The following PPP3CA variants were observed in gnomAD, a reference collection of about 807,000 sequenced individuals.
PPP3CA encodes protein phosphatase 3 catalytic subunit alpha.
In PPP3CA, 14 loss-of-function variants were observed where a neutral mutation model predicts 66.5. The ratio of observed to expected loss-of-function variants is 0.21; its 90% CI spans 0.14 to 0.33. PPP3CA has a LOEUF of 0.33. PPP3CA is among the 10% of genes least tolerant of loss of function. The probability of loss-of-function intolerance (pLI) is 1.00; values close to 1 mark genes in which losing one functional copy is unlikely to be tolerated. For missense variants in PPP3CA, 317 were observed against 639.5 expected (o/e 0.50, Z 5.44); for synonymous variants, 232 against 226.2 (o/e 1.03, Z -0.23).
chr4:101,310,630 G>A (rs1284542228), intron 1 of PPP3CA, among the ~76,000 whole-genome samples: 2 of 152,046 alleles, frequency 1.3e-5, no homozygotes, highest in African/African-American at 2.4e-5. Context: ...CCATGATCAC[G>A]CCACTGCACT....
intron 6 of PPP3CA, among the ~76,000 whole-genome samples, chr4:101,086,759 T>C (rs573850440): frequency 2.4e-4 from 36 of 152,338 alleles, no homozygotes; most frequent in African/African-American, 8.7e-4. Context: ...TAGTGTAAAT[T>C]ATATTTCTAC....
intron 2 of PPP3CA, among the ~76,000 whole-genome samples, chr4:101,169,763 T>A (rs990737493): frequency 1.3e-5 from 2 of 151,896 alleles, no homozygotes; most frequent in Non-Finnish European, 2.9e-5. Context: ...CTGACTCTTA[T>A]GTGATGACTT....
chr4:101,084,477 A>C (rs1217054825), intron 6 of PPP3CA, among the ~76,000 whole-genome samples: 1 of 151,900 alleles, frequency 6.6e-6, no homozygotes, highest in Non-Finnish European at 1.5e-5. Context: ...CCTGTCTCTT[A>C]CTAAAAATAC....
intron 2 of PPP3CA, among the ~76,000 whole-genome samples, chr4:101,110,098 G>T (rs539372125): frequency 6.6e-6 from 1 of 152,050 alleles, no homozygotes; most frequent in Non-Finnish European, 1.5e-5. Context: ...ATATATATGT[G>T]TGTATGTGTA....
At chr4:101,062,564 T>C (rs1297104574) in intron 9 of PPP3CA, among the ~76,000 whole-genome samples, 1 of 151,914 alleles carries the variant, frequency 6.6e-6, no homozygotes, top group Non-Finnish European at 1.5e-5. Flanking sequence ...TGAAAAACAA[T>C]TGGTGCAGAC....
intron 2 of PPP3CA, among the ~76,000 whole-genome samples, chr4:101,114,197 A>C (rs1721769535): frequency 6.6e-6 from 1 of 152,108 alleles, no homozygotes; most frequent in South Asian, 2.1e-4. Context: ...TGAATATTCC[A>C]AAAATTTTAT....
chr4:101,173,410 T>C (rs1467689315), intron 2 of PPP3CA, among the ~76,000 whole-genome samples: 2 of 152,188 alleles, frequency 1.3e-5, no homozygotes, highest in African/African-American at 2.4e-5. Flanking sequence ...GGGCTTTTTT[T>C]TTCAAACAGC....
intron 2 of PPP3CA, among the ~76,000 whole-genome samples, chr4:101,149,686 A>G (rs895005745): frequency 2.0e-5 from 3 of 152,152 alleles, no homozygotes; most frequent in Non-Finnish European, 4.4e-5. Context: ...TTCCTCAAAC[A>G]TTTATCAAAC....
At chr4:101,216,278 C>T (rs1228389904) in intron 1 of PPP3CA, among the ~76,000 whole-genome samples, 1 of 152,100 alleles carries the variant, frequency 6.6e-6, no homozygotes, top group Non-Finnish European at 1.5e-5. Flanking sequence ...ACTTAAATTA[C>T]ATAATTTCCT....
intron 2 of PPP3CA, among the ~76,000 whole-genome samples, chr4:101,194,029 C>T (rs1395475): frequency 0.25 from 37,260 of 151,978 alleles, 7,186 homozygotes; most frequent in African/African-American, 0.52. Flanking sequence ...ATATCTACTA[C>T]GCTTATTTCT....
intron 1 of PPP3CA, among the ~76,000 whole-genome samples, chr4:101,341,118 GTTAA>G (rs1445269098): frequency 6.6e-6 from 1 of 151,468 alleles, no homozygotes; most frequent in African/African-American, 2.4e-5. Context: ...ATTTTACATA[GTTAA>G]TTATTTAGTA....
At chr4:101,269,553 CGTGTGTGTGTGTGTGTGTGTGTGT>C (rs55721209) in intron 1 of PPP3CA, among the ~76,000 whole-genome samples, 6 of 135,958 alleles carry the variant, frequency 4.4e-5, no homozygotes, top group South Asian at 4.9e-4. Flanking sequence ...AAACAAGGAA[CGTGTGTGTGTGTGTGTGTGTGTGT>C]GTGTGTGTGT....
intron 1 of PPP3CA, among the ~76,000 whole-genome samples, chr4:101,283,811 A>T (rs149644816): frequency 6.6e-6 from 1 of 151,680 alleles, no homozygotes; most frequent in African/African-American, 2.4e-5. Context: ...TCATGGTATG[A>T]CTCTGAAGAA....
At chr4:101,159,073 C>G (rs1284966308) in intron 2 of PPP3CA, among the ~76,000 whole-genome samples, 1 of 152,136 alleles carries the variant, frequency 6.6e-6, no homozygotes, top group Non-Finnish European at 1.5e-5. Flanking sequence ...ATTATTACCT[C>G]CATTATGCAG....
intron 1 of PPP3CA, among the ~76,000 whole-genome samples, chr4:101,296,802 A>C (rs1299468568): frequency 6.6e-6 from 1 of 152,180 alleles, no homozygotes; most frequent in Non-Finnish European, 1.5e-5. Flanking sequence ...AAAGTCATAC[A>C]TCTAAAAGTT....
intron 1 of PPP3CA, among the ~76,000 whole-genome samples, chr4:101,196,993 T>C (rs894518378): frequency 7.2e-4 from 110 of 152,146 alleles, no homozygotes; most frequent in African/African-American, 2.6e-3. Context: ...AAGGTTAAAT[T>C]TGCAATAAAT....
intron 2 of PPP3CA, among the ~76,000 whole-genome samples, chr4:101,154,290 A>G (rs1723237996): frequency 6.6e-6 from 1 of 152,244 alleles, no homozygotes; most frequent in Admixed American, 6.5e-5. Flanking sequence ...GTATTCTACC[A>G]GTGAATAAAA....
chr4:101,039,608 C>T (rs538504523), intron 11 of PPP3CA, among the ~76,000 whole-genome samples: 1 of 144,216 alleles, frequency 6.9e-6, no homozygotes, highest in Admixed American at 7.0e-5. Flanking sequence ...CTTCTCATGG[C>T]TACCTCTTTT....
At chr4:101,145,123 C>T (rs1156245540) in intron 2 of PPP3CA, among the ~76,000 whole-genome samples, 1 of 151,898 alleles carries the variant, frequency 6.6e-6, no homozygotes, top group African/African-American at 2.4e-5. Flanking sequence ...TTTTGGAAAA[C>T]ACTGCTCTAT....
Sources: allele counts gnomAD v4.1 joint callset (sites outside exome capture counted in the v4.1 genomes callset), GRCh38; gene constraint gnomAD v4.1.1; transcripts MANE v1.5; gene names NCBI Gene and HGNC (gene_info 2026-07-23, HGNC 2026-07-21).